PCDH15: variants seen among roughly 807,000 people sequenced by gnomAD.
PCDH15 encodes the protein protocadherin related 15.
Under a neutral mutation model 178.5 loss-of-function variants are expected in PCDH15, and 129 were observed. The observed-to-expected ratio is 0.72, with a 90% CI of 0.63 to 0.84. PCDH15 has a LOEUF of 0.84. Ranked by LOEUF, PCDH15 falls within the 40% of genes least tolerant of loss-of-function variation. The probability of loss-of-function intolerance (pLI) is 0.00; values close to 1 mark genes in which losing one functional copy is unlikely to be tolerated. For missense variants in PCDH15, 2,230 were observed against 2,099.9 expected, an observed-to-expected ratio of 1.06 and a Z score of -1.21; for synonymous variants, 800 against 732.0, an observed-to-expected ratio of 1.09 and a Z score of -1.50.
intron 1 of PCDH15, among the ~76,000 whole-genome samples, chr10:54,775,366 A>C (rs2133322546): frequency 6.6e-6 from 1 of 152,340 alleles, no homozygotes; most frequent in Admixed American, 6.5e-5. Flanking sequence ...ATTGACACAT[A>C]ATAGTTATAC....
chr10:54,992,330 A>G (rs2131918413), intron 2 of PCDH15, among the ~76,000 whole-genome samples: 1 of 152,314 alleles, frequency 6.6e-6, no homozygotes, highest in African/African-American at 2.4e-5. Context: ...ATCCAAGCTG[A>G]GGCAATAACT....
intron 2 of PCDH15, among the ~76,000 whole-genome samples, chr10:55,582,626 ATATTTT>A (rs1274965100): frequency 2.4e-4 from 15 of 61,234 alleles, no homozygotes; most frequent in African/African-American, 5.1e-4. Flanking sequence ...ATATATATAT[ATATTTT>A]TTTTTTTTTG....
intron 18 of PCDH15, among the ~76,000 whole-genome samples, chr10:54,031,253 TG>T (rs2093285782): frequency 6.6e-6 from 1 of 151,876 alleles, no homozygotes; most frequent in Non-Finnish European, 1.5e-5. Context: ...TTTTTTTGTT[TG>T]TTTTTATTTT....
chr10:54,071,328 A>C (rs2135863095), intron 17 of PCDH15, among the ~76,000 whole-genome samples: 1 of 152,270 alleles, frequency 6.6e-6, no homozygotes, highest in South Asian at 2.1e-4. Flanking sequence ...TTAATGAATA[A>C]TTTTTAATAC....
chr10:54,296,230 C>T (rs2059777910), intron 8 of PCDH15, among the ~76,000 whole-genome samples: 1 of 150,366 alleles, frequency 6.7e-6, no homozygotes, highest in Non-Finnish European at 1.5e-5. Context: ...AAAGGGCTCT[C>T]TTACAACCCC....
At chr10:54,520,332 T>C (rs1246441843) in intron 3 of PCDH15, among the ~76,000 whole-genome samples, 1 of 151,878 alleles carries the variant, frequency 6.6e-6, no homozygotes, top group Admixed American at 6.6e-5. Context: ...AGGGCTAATA[T>C]CCAGAATCTA....
intron 2 of PCDH15, chr10:54,599,886 A>AGAGGAAAAGAAAGTT (rs1310029774): frequency 5.7e-6 from 4 of 697,886 alleles, no homozygotes; most frequent in South Asian, 1.5e-5. Context: ...CCAAAGCTAA[A>AGAGGAAAAGAAAGTT]GAGGAAAAGA....
intron 3 of PCDH15, among the ~76,000 whole-genome samples, chr10:54,859,746 T>A (rs988266237): frequency 1.3e-5 from 2 of 151,732 alleles, no homozygotes; most frequent in Non-Finnish European, 2.9e-5. Context: ...CAGGTTCACA[T>A]AATCAATAAA....
At chr10:54,824,992 T>C (rs1953101755) in intron 3 of PCDH15, among the ~76,000 whole-genome samples, 1 of 152,090 alleles carries the variant, frequency 6.6e-6, no homozygotes, top group Non-Finnish European at 1.5e-5. Context: ...CATTTAGCAT[T>C]AGGTATATCT....
chr10:54,075,613 T>C (rs896017880), intron 17 of PCDH15, among the ~76,000 whole-genome samples: 1 of 152,160 alleles, frequency 6.6e-6, no homozygotes, highest in Admixed American at 6.5e-5. Context: ...CTATGTTTTC[T>C]TCTAAGAGTT....
At chr10:54,959,421 A>G (rs568972834) in intron 2 of PCDH15, among the ~76,000 whole-genome samples, 30 of 152,138 alleles carry the variant, frequency 2.0e-4, no homozygotes, top group African/African-American at 7.0e-4. Context: ...AATTGGTACA[A>G]GTAAGAATCA....
chr10:55,240,991 C>T (rs922337152), intron 1 of PCDH15, among the ~76,000 whole-genome samples: 10 of 152,086 alleles, frequency 6.6e-5, no homozygotes, highest in Non-Finnish European at 1.5e-4. Flanking sequence ...CCAAGGCGGG[C>T]GGATCACGAG....
intron 2 of PCDH15, among the ~76,000 whole-genome samples, chr10:54,917,890 G>A (rs1591782481): frequency 1.3e-5 from 2 of 152,110 alleles, no homozygotes; most frequent in Middle Eastern, 3.2e-3. Context: ...TATGTTGGTG[G>A]AGGATATCAA....
intron 2 of PCDH15, among the ~76,000 whole-genome samples, chr10:55,135,986 T>C (rs1320111818): frequency 6.6e-6 from 1 of 152,162 alleles, no homozygotes; most frequent in African/African-American, 2.4e-5. Context: ...CCTTTTTTCA[T>C]AGTGTGACCA....
chr10:54,037,358 T>C (rs145425656), intron 18 of PCDH15, among the ~76,000 whole-genome samples: 1,763 of 152,090 alleles, frequency 0.012, 8 homozygotes, highest in Non-Finnish European at 0.019. Flanking sequence ...CATTGTTGTC[T>C]TATTTTAAGA....
intron 2 of PCDH15, among the ~76,000 whole-genome samples, chr10:55,608,407 G>A (rs1843281671): frequency 1.3e-5 from 2 of 151,560 alleles, no homozygotes; most frequent in East Asian, 4.0e-4. Context: ...TCAAGAAAGA[G>A]TCTCATCTCC....
intron 3 of PCDH15, among the ~76,000 whole-genome samples, chr10:54,474,603 T>C (rs1450623399): frequency 6.6e-6 from 1 of 151,958 alleles, no homozygotes; most frequent in African/African-American, 2.4e-5. Flanking sequence ...TCTAAGTGTG[T>C]AGTAAGGAAG....
At chr10:53,951,845 G>A (rs2087084892) in intron 23 of PCDH15, among the ~76,000 whole-genome samples, 1 of 152,180 alleles carries the variant, frequency 6.6e-6, no homozygotes, top group African/African-American at 2.4e-5. Flanking sequence ...AGAGCAGCAA[G>A]GTGGGGATGA....
chr10:55,051,313 T>C (rs544935090), intron 2 of PCDH15, among the ~76,000 whole-genome samples: 3 of 152,286 alleles, frequency 2.0e-5, no homozygotes, highest in East Asian at 3.9e-4. Flanking sequence ...GTCTCTAATG[T>C]AGAAGCATTT....
Sources: gnomAD v4.1 joint callset for allele counts (sites outside exome capture counted in the v4.1 genomes callset) on GRCh38, gnomAD v4.1.1 for gene constraint, MANE v1.5 for transcripts, NCBI Gene and HGNC (gene_info 2026-07-23, HGNC 2026-07-21) for gene names.